Variants in WIPF3 observed in about 807,000 individuals in gnomAD.
WIPF3 encodes WAS/WASL-interacting protein family member 3.
In WIPF3, 33 loss-of-function variants were observed where a neutral mutation model predicts 38.9. The ratio of observed to expected loss-of-function variants is 0.85; its 90% CI spans 0.64 to 1.14. The LOEUF (loss-of-function observed/expected upper bound fraction) is 1.14, where lower values mean the gene tolerates loss of function less well. WIPF3 is among the 50% of genes most tolerant of loss of function. The pLI is 0.00. For synonymous variants in WIPF3, 324 were observed against 269.3 expected, an observed-to-expected ratio of 1.20 and a Z score of -1.99; for missense variants, 711 against 652.5, an observed-to-expected ratio of 1.09 and a Z score of -0.98.
intron 4 of WIPF3, 59 bp downstream of exon 4, chr7:29,879,199 A>G: frequency 1.3e-6 from 2 of 1,568,038 alleles, no homozygotes; most frequent in Admixed American, 1.7e-5. Context: ...TTGTGGAACC[A>G]TCTGGGCAAT....
At chr7:29,842,163 G>C (rs1018252826) in intron 2 of WIPF3, among the ~76,000 whole-genome samples, 1 of 152,202 alleles carries the variant, frequency 6.6e-6, no homozygotes, top group African/African-American at 2.4e-5. Flanking sequence ...CTGACAGTAG[G>C]GTTTATGGCT....
intron 2 of WIPF3, among the ~76,000 whole-genome samples, chr7:29,835,636 A>C (rs62457573): frequency 0.1 from 15,835 of 152,252 alleles, 854 homozygotes; most frequent in African/African-American, 0.12. Context: ...GCTAGTGCTT[A>C]CTGCTTATGG....
At chr7:29,822,156 T>G (rs2128062959) in intron 1 of WIPF3, among the ~76,000 whole-genome samples, 1 of 146,574 alleles carries the variant, frequency 6.8e-6, no homozygotes, top group South Asian at 2.2e-4. Flanking sequence ...GTATAGATCT[T>G]ATACTGGTTC....
At chr7:29,908,349 A>G (rs925392489) in intron 8 of WIPF3, among the ~76,000 whole-genome samples, 14 of 152,374 alleles carry the variant, frequency 9.2e-5, no homozygotes, top group African/African-American at 3.4e-4. Context: ...ATCAAAATGC[A>G]TGAAGCAAAA....
Position 29,879,026 on chromosome 7 carries a change from A to C in WIPF3, c.241A>C (p.Lys81Gln), listed in dbSNP as rs560395922. ...PQIESSKGTN[K>Q]EGGGSANTRG... ...CTCTAAAGGTTCTAAAGGAACCAACAAAGAAGGAGGAGGTTCTGCAAACAC... is the reference window on the plus strand; with the variant it reads ...CTCTAAAGGTTCTAAAGGAACCAACCAAGAAGGAGGAGGTTCTGCAAACAC... Residue 81 changes from lysine (K) to glutamine (Q), a missense_variant, in exon 4 of 9, where the codon AAA (lysine) becomes CAA (glutamine). Coordinates refer to ENST00000242140, the MANE Select transcript of WIPF3 (RefSeq NM_001080529.3). 1.2e-6 allele frequency: 2 copies of C among 1,600,542 alleles called. No individual in the cohort carries two copies. The highest frequency in any genetic ancestry group is 1.7e-6 in the Non-Finnish European group (2 of 1,172,644).
chr7:29,889,620 T>C (rs1229362500), intron 7 of WIPF3, among the ~76,000 whole-genome samples: 1 of 152,216 alleles, frequency 6.6e-6, no homozygotes, highest in East Asian at 1.9e-4. Context: ...TATAGAACAC[T>C]AAGGGTAACT....
intron 4 of WIPF3, among the ~76,000 whole-genome samples, chr7:29,881,992 A>T (rs982447258): frequency 3.9e-5 from 6 of 151,976 alleles, no homozygotes; most frequent in Admixed American, 3.9e-4. Context: ...TGCCTCCTCC[A>T]CTTGCCTGCA....
intron 2 of WIPF3, among the ~76,000 whole-genome samples, chr7:29,853,178 CTG>C (rs1397165054): frequency 1.3e-5 from 2 of 152,202 alleles, no homozygotes; most frequent in Non-Finnish European, 2.9e-5. Context: ...CCTGGAGAGA[CTG>C]TGTGGAGCCT....
intron 2 of WIPF3, among the ~76,000 whole-genome samples, chr7:29,850,575 G>A (rs1268466443): frequency 6.6e-6 from 1 of 152,196 alleles, no homozygotes; most frequent in East Asian, 1.9e-4. Flanking sequence ...TTCTCAAGAC[G>A]TCACAACATG....
intron 7 of WIPF3, among the ~76,000 whole-genome samples, chr7:29,895,228 C>T (rs1786113409): frequency 6.6e-6 from 1 of 152,122 alleles, no homozygotes; most frequent in African/African-American, 2.4e-5. Flanking sequence ...AGCCACCGCA[C>T]CCAGCCTAGT....
At chr7:29,909,835 C>T (rs1048258540) in intron 8 of WIPF3, among the ~76,000 whole-genome samples, 2 of 151,350 alleles carry the variant, frequency 1.3e-5, no homozygotes, top group Non-Finnish European at 2.9e-5. Flanking sequence ...TTTGAGGCTG[C>T]AGTGAGCTAT....
intron 2 of WIPF3, among the ~76,000 whole-genome samples, chr7:29,836,055 C>A (rs1207643923): frequency 1.3e-5 from 2 of 152,226 alleles, no homozygotes; most frequent in Non-Finnish European, 1.5e-5. Flanking sequence ...CTTAGACCTG[C>A]CTGGAACTTG....
At chr7:29,846,358 T>C (rs1785000749) in intron 2 of WIPF3, among the ~76,000 whole-genome samples, 1 of 152,228 alleles carries the variant, frequency 6.6e-6, no homozygotes, top group African/African-American at 2.4e-5. Flanking sequence ...CTGAATGTGT[T>C]TTCAAGTTGG....
At chr7:29,902,075 A>AAC (rs1172646157) in intron 7 of WIPF3, among the ~76,000 whole-genome samples, 1 of 151,912 alleles carries the variant, frequency 6.6e-6, no homozygotes, top group African/African-American at 2.4e-5. Context: ...AACATTCTGC[A>AAC]ACACACAGGA....
At chr7:29,906,912 C>G (rs753710225) in intron 8 of WIPF3, among the ~76,000 whole-genome samples, 8 of 152,154 alleles carry the variant, frequency 5.3e-5, no homozygotes, top group Non-Finnish European at 1.2e-4. Context: ...CCGTAATTTT[C>G]TACCTGGCAA....
chr7:29,827,821 G>A (rs1784647517), intron 1 of WIPF3, among the ~76,000 whole-genome samples: 1 of 152,196 alleles, frequency 6.6e-6, no homozygotes, highest in Non-Finnish European at 1.5e-5. Flanking sequence ...TTGAGGTGGT[G>A]TCTCACTCTG....
chr7:29,872,568 C>T (rs1439475523), intron 2 of WIPF3, among the ~76,000 whole-genome samples: 5 of 151,700 alleles, frequency 3.3e-5, no homozygotes, highest in Non-Finnish European at 5.9e-5. Flanking sequence ...CCGAGGCGGG[C>T]GGATCACAAG....
At chr7:29,828,823 C>T (rs950913682) in intron 1 of WIPF3, among the ~76,000 whole-genome samples, 34 of 152,322 alleles carry the variant, frequency 2.2e-4, no homozygotes, top group African/African-American at 7.9e-4. Context: ...AGGTGGGACT[C>T]ACAATGTGGG....
At chr7:29,889,168 G>C in intron 6 of WIPF3, 138 bp from the exon 7 acceptor site, 1 of 677,756 alleles carries the variant, frequency 1.5e-6, no homozygotes, top group Non-Finnish European at 2.6e-6. Flanking sequence ...GAATGGCCCT[G>C]TTGTTAAAAT....
Sources: allele counts gnomAD v4.1 joint callset (sites outside exome capture counted in the v4.1 genomes callset), GRCh38; gene constraint gnomAD v4.1.1; transcripts MANE v1.5; gene names NCBI Gene and HGNC (gene_info 2026-07-23, HGNC 2026-07-21).